NKAIN3: variants seen among roughly 807,000 people sequenced by gnomAD.
The protein encoded by NKAIN3 is sodium/potassium transporting ATPase interacting 3, also known as sodium/potassium-transporting ATPase subunit beta-1-interacting protein 3.
In NKAIN3, 25 loss-of-function variants were observed where a neutral mutation model predicts 30.2. The ratio of observed to expected loss-of-function variants is 0.83; its 90% confidence interval spans 0.60 to 1.16. NKAIN3 has a LOEUF of 1.16. Among genes scored for constraint, NKAIN3 ranks in the 50% most tolerant of loss-of-function variants. NKAIN3 has a pLI of 0.00. For missense variants in NKAIN3, 225 were observed against 254.1 expected, an observed-to-expected ratio of 0.89 and a Z score of 0.78; for synonymous variants, 91 against 89.6, an observed-to-expected ratio of 1.02 and a Z score of -0.09.
At chr8:62,324,870 G>A (rs1384297231) in intron 1 of NKAIN3, among the ~76,000 whole-genome samples, 2 of 152,058 alleles carry the variant, frequency 1.3e-5, no homozygotes, top group Non-Finnish European at 2.9e-5. Flanking sequence ...TCGGCTGCAA[G>A]CTTGAAAATC....
In NKAIN3 at chr8:62,981,532, C is replaced by T. The variant is rs942915402; in HGVS notation, c.*16125C>T. 1.3e-5 allele frequency: 2 copies of T among 152,110 alleles called. No individual in the cohort carries two copies. The highest frequency in any genetic ancestry group is 4.8e-5 in the African/African-American group (2 of 41,420). The allele number at this position is 152,110 out of a possible 1,614,324, so 9.4% of individuals were successfully genotyped here. Reference sequence around the variant, plus strand: ...ATGCCTGACACAGACTAACAAAGCTCTTTCTCATCCTGTGGTAGGAACTTA... The same window carrying T: ...ATGCCTGACACAGACTAACAAAGCTTTTTCTCATCCTGTGGTAGGAACTTA... On this transcript the variant is annotated 3_prime_UTR_variant, in exon 7 of 7. Coordinates refer to ENST00000623646, the MANE Select transcript of NKAIN3 (RefSeq NM_001304533.3).
chr8:62,801,129 G>A (rs1201237731), intron 4 of NKAIN3, among the ~76,000 whole-genome samples: 1 of 152,244 alleles, frequency 6.6e-6, no homozygotes, highest in East Asian at 1.9e-4. Context: ...CCAACTGGGT[G>A]GAGCCCACCA....
chr8:62,619,187 A>G (rs1282049263), intron 3 of NKAIN3, among the ~76,000 whole-genome samples: 1 of 152,160 alleles, frequency 6.6e-6, no homozygotes, highest in Non-Finnish European at 1.5e-5. Context: ...ATTGGTACCT[A>G]CCTTAGCTAA....
chr8:62,794,035 T>C (rs1211415399), intron 4 of NKAIN3, among the ~76,000 whole-genome samples: 1 of 152,202 alleles, frequency 6.6e-6, no homozygotes, highest in African/African-American at 2.4e-5. Context: ...GAACATCTGC[T>C]TTCTGCCCTT....
In NKAIN3 at chr8:62,973,137, T is replaced by C. The variant is rs191959140; in HGVS notation, c.*7730T>C. Among the ~76,000 whole-genome samples the C allele has an allele frequency of 1.0e-3, 157 of 152,242 alleles. 1 individual carries two copies. Among genetic ancestry groups the C allele is most frequent in the Non-Finnish European group, 1.9e-3 (127 of 68,024 alleles). On this transcript the variant is annotated 3_prime_UTR_variant, in exon 7 of 7. Transcript: ENST00000623646. ...AATAGTGCTGCAATAAACATAGGAG[T>C]GCATGTGTCATTATAGTAGAATGAT... is the stretch of plus-strand genomic sequence containing the variant.
At chr8:62,384,475 A>G (rs1817365495) in intron 1 of NKAIN3, among the ~76,000 whole-genome samples, 1 of 152,194 alleles carries the variant, frequency 6.6e-6, no homozygotes, top group Admixed American at 6.6e-5. Flanking sequence ...ATATGCATTC[A>G]CAGCATAACT....
At chr8:62,834,564 A>G (rs1819301790) in intron 4 of NKAIN3, among the ~76,000 whole-genome samples, 1 of 151,852 alleles carries the variant, frequency 6.6e-6, no homozygotes, top group Non-Finnish European at 1.5e-5. Context: ...CAAAAATGCA[A>G]TTCCATTTAT....
At chr8:62,985,755 A>G (rs1232807813), downstream of NKAIN3, among the ~76,000 whole-genome samples, 4 of 151,932 alleles carry the variant, frequency 2.6e-5, no homozygotes, top group African/African-American at 2.4e-5. Flanking sequence ...CATCACAGAA[A>G]AAAAAAAAAA....
chr8:62,487,745 C>T (rs1028900487), intron 1 of NKAIN3, among the ~76,000 whole-genome samples: 1 of 152,034 alleles, frequency 6.6e-6, no homozygotes, highest in African/African-American at 2.4e-5. Flanking sequence ...TAATTCAATC[C>T]CATTATCACC....
chr8:62,421,529 C>T, intron 1 of NKAIN3, among the ~76,000 whole-genome samples: 1 of 152,166 alleles, frequency 6.6e-6, no homozygotes, highest in South Asian at 2.1e-4. Context: ...ATACATACAC[C>T]ATCTCCCTGG....
chr8:62,323,606 T>A (rs555114435), intron 1 of NKAIN3, among the ~76,000 whole-genome samples: 15 of 152,230 alleles, frequency 9.9e-5, no homozygotes, highest in African/African-American at 3.6e-4. Flanking sequence ...TGGTAGTTCT[T>A]ATTATCAGGG....
At chr8:62,752,397 C>T (rs770729648) in intron 4 of NKAIN3, among the ~76,000 whole-genome samples, 25 of 152,226 alleles carry the variant, frequency 1.6e-4, no homozygotes, top group Non-Finnish European at 2.9e-4. Context: ...TTCTTTAATC[C>T]CACACCAGAC....
At chr8:62,849,352 C>T (rs1261831873) in intron 4 of NKAIN3, among the ~76,000 whole-genome samples, 1 of 142,790 alleles carries the variant, frequency 7.0e-6, no homozygotes, top group African/African-American at 2.6e-5. Flanking sequence ...AATTTCAGAA[C>T]TCTCTATTGG....
chr8:62,749,679 C>CTTT lies in NKAIN3; in HGVS notation c.471+2568_471+2570dup, dbSNP rs35908903. The stretch of plus-strand genomic sequence containing the variant: ...TATTAGAATTGTGCTTTTTTCTTTT[C>CTTT]TTTTTTTTTTTTTTTTTTTTAAGAC... On this transcript the variant is annotated intron_variant, in intron 4 of 6. Coordinates refer to ENST00000623646, the MANE Select transcript of NKAIN3 (RefSeq NM_001304533.3). Among the ~76,000 whole-genome samples the CTTT allele has an allele frequency of 9.0e-3, 879 of 97,222 alleles. 22 individuals are homozygous for CTTT. The highest frequency in any genetic ancestry group is 0.03 in the Middle Eastern group (5 of 164). The allele number at this position is 97,222 out of a possible 152,430, so 63.8% of individuals were successfully genotyped here.
At chr8:62,711,976 C>A (rs747277209) in intron 3 of NKAIN3, among the ~76,000 whole-genome samples, 2 of 152,184 alleles carry the variant, frequency 1.3e-5, no homozygotes, top group African/African-American at 2.4e-5. Context: ...ATGTGGCTTC[C>A]TGTGAGCTGA....
At chr8:62,863,352 A>G (rs537534155) in intron 4 of NKAIN3, 6 of 1,546,578 alleles carry the variant, frequency 3.9e-6, no homozygotes, top group South Asian at 1.2e-5. Context: ...CAGTGGTCTC[A>G]GCTGCCGTTC....
At chr8:62,768,942 T>G (rs1816934268) in intron 4 of NKAIN3, among the ~76,000 whole-genome samples, 1 of 152,218 alleles carries the variant, frequency 6.6e-6, no homozygotes, top group South Asian at 2.1e-4. Context: ...GACTGTTGTC[T>G]GTGATTATGA....
intron 1 of NKAIN3, among the ~76,000 whole-genome samples, chr8:62,456,696 T>C (rs1445113642): frequency 1.3e-5 from 2 of 152,194 alleles, no homozygotes; most frequent in Non-Finnish European, 2.9e-5. Flanking sequence ...GACCCAGCTG[T>C]TGCTGTGAAC....
In NKAIN3 at chr8:62,922,234, G is replaced by A. The variant is rs532814532; in HGVS notation, c.532+3721G>A. On this transcript the variant is annotated intron_variant, in intron 5 of 6. Transcript: ENST00000623646. ...GTAACTATCGGAAAAACATTTCATC[G>A]CTCTACTGTCCTGAAGCTTCCTGCT... is the stretch of plus-strand genomic sequence containing the variant. Among the ~76,000 whole-genome samples, 5 of 152,194 alleles carry A rather than the reference G, an allele frequency of 3.3e-5. No homozygotes were observed. In the South Asian group the frequency reaches 8.3e-4, roughly 25 times the overall value.
Sources: gnomAD v4.1 joint callset for allele counts (sites outside exome capture counted in the v4.1 genomes callset) on GRCh38, gnomAD v4.1.1 for gene constraint, MANE v1.5 for transcripts, NCBI Gene and HGNC (gene_info 2026-07-23, HGNC 2026-07-21) for gene names.